NRG1: variants seen among roughly 807,000 people sequenced by gnomAD.
The protein encoded by NRG1 is pro-neuregulin-1, membrane-bound isoform.
Under a neutral mutation model 63.8 loss-of-function variants are expected in NRG1, and 18 were observed. The ratio of observed to expected loss-of-function variants is 0.28; its 90% CI spans 0.19 to 0.42. The LOEUF is 0.42. NRG1 is among the 10% of genes least tolerant of loss of function. NRG1 has a pLI of 1.00. For missense variants in NRG1, 762 were observed against 814.7 expected (o/e 0.94, Z 0.79); for synonymous variants, 302 against 301.3 (o/e 1.00, Z -0.02).
intron 1 of NRG1, among the ~76,000 whole-genome samples, chr8:32,589,153 A>G (rs2129535344): frequency 1.3e-5 from 2 of 152,312 alleles, no homozygotes; most frequent in East Asian, 1.9e-4. Flanking sequence ...TGATAAGACA[A>G]ACTTTCCCTT....
chr8:32,550,835 C>T (rs886304914), intron 1 of NRG1, among the ~76,000 whole-genome samples: 1 of 152,096 alleles, frequency 6.6e-6, no homozygotes, highest in African/African-American at 2.4e-5. Context: ...AACTGTCTTC[C>T]CTGAAAAATT....
At chr8:31,653,144 T>A (rs1805073587) in intron 1 of NRG1, among the ~76,000 whole-genome samples, 1 of 151,692 alleles carries the variant, frequency 6.6e-6, no homozygotes. Flanking sequence ...GGTATTGGGA[T>A]TATTGATCTT....
intron 1 of NRG1, among the ~76,000 whole-genome samples, chr8:32,054,472 C>T (rs1822512705): frequency 6.6e-6 from 1 of 152,278 alleles, no homozygotes; most frequent in East Asian, 1.9e-4. Context: ...GGCCTGCAGT[C>T]ACCAACAGAA....
At chr8:32,194,763 C>G (rs574125119) in intron 1 of NRG1, among the ~76,000 whole-genome samples, 1 of 152,186 alleles carries the variant, frequency 6.6e-6, no homozygotes, top group African/African-American at 2.4e-5. Flanking sequence ...ACCTGAGAAA[C>G]ATTTTAAAAA....
chr8:32,573,974 A>T (rs527269921), intron 1 of NRG1, among the ~76,000 whole-genome samples: 1 of 152,142 alleles, frequency 6.6e-6, no homozygotes, highest in African/African-American at 2.4e-5. Flanking sequence ...CCTACAAAGG[A>T]CATGAACTCA....
intron 5 of NRG1, among the ~76,000 whole-genome samples, chr8:32,700,971 A>G (rs1814715161): frequency 6.6e-6 from 1 of 152,006 alleles, no homozygotes; most frequent in African/African-American, 2.4e-5. Context: ...TCTCCTCTGC[A>G]TGTCTTAACC....
At chr8:32,383,857 A>G (rs1235083382) in intron 1 of NRG1, among the ~76,000 whole-genome samples, 1 of 152,254 alleles carries the variant, frequency 6.6e-6, no homozygotes, top group Non-Finnish European at 1.5e-5. Context: ...GAGAATGCAT[A>G]GCCCCACTTC....
At chr8:32,556,933 C>A (rs569240036) in intron 1 of NRG1, among the ~76,000 whole-genome samples, 2 of 152,176 alleles carry the variant, frequency 1.3e-5, no homozygotes, top group Non-Finnish European at 2.9e-5. Flanking sequence ...AAACAAGTAA[C>A]GTGTGTTATT....
intron 1 of NRG1, among the ~76,000 whole-genome samples, chr8:32,001,360 T>G (rs113948151): frequency 0.036 from 5,415 of 152,044 alleles, 129 homozygotes; most frequent in Non-Finnish European, 0.056. Flanking sequence ...CATGCTCTCT[T>G]GCCTGCCACC....
At chr8:32,385,113 A>G (rs1563390811) in intron 1 of NRG1, among the ~76,000 whole-genome samples, 3 of 152,038 alleles carry the variant, frequency 2.0e-5, no homozygotes, top group African/African-American at 4.8e-5. Context: ...TCCGCCTCCC[A>G]GGTGCATGCC....
chr8:32,465,779 G>A (rs904844968), intron 1 of NRG1, among the ~76,000 whole-genome samples: 1 of 152,162 alleles, frequency 6.6e-6, no homozygotes, highest in Non-Finnish European at 1.5e-5. Flanking sequence ...TATGGAAATA[G>A]TGATATAAAA....
At chr8:32,439,618 A>G (rs1256685341) in intron 1 of NRG1, among the ~76,000 whole-genome samples, 2 of 152,146 alleles carry the variant, frequency 1.3e-5, no homozygotes, top group Non-Finnish European at 2.9e-5. Context: ...TTTTCAAAAT[A>G]CATCAGAACT....
chr8:31,680,869 C>T (rs899365694), intron 1 of NRG1, among the ~76,000 whole-genome samples: 2 of 152,150 alleles, frequency 1.3e-5, no homozygotes, highest in East Asian at 1.9e-4. Context: ...CATGCAAGCT[C>T]ATTCCTGCCC....
upstream of NRG1, among the ~76,000 whole-genome samples, chr8:32,547,608 C>CAT (rs1309199865): frequency 3.1e-5 from 2 of 63,748 alleles, no homozygotes; most frequent in Non-Finnish European, 6.3e-5. Flanking sequence ...CACACACACA[C>CAT]ACACACACAC....
At chr8:32,008,564 A>G (rs1406477613) in intron 1 of NRG1, among the ~76,000 whole-genome samples, 1 of 152,152 alleles carries the variant, frequency 6.6e-6, no homozygotes, top group Non-Finnish European at 1.5e-5. Flanking sequence ...ACTAATATCT[A>G]TGTGTGTGTT....
intron 5 of NRG1, among the ~76,000 whole-genome samples, chr8:32,617,421 T>C (rs982296101): frequency 4.6e-5 from 7 of 152,268 alleles, no homozygotes; most frequent in African/African-American, 1.4e-4. Flanking sequence ...GATCTCAGAT[T>C]AGTTTTCGTC....
intron 1 of NRG1, among the ~76,000 whole-genome samples, chr8:32,216,917 A>C (rs984643944): frequency 1.3e-5 from 2 of 152,008 alleles, no homozygotes; most frequent in African/African-American, 4.8e-5. Flanking sequence ...TTGCTCATTA[A>C]AAATATTCGG....
chr8:32,291,166 A>C (rs1854152858), intron 1 of NRG1, among the ~76,000 whole-genome samples: 1 of 152,204 alleles, frequency 6.6e-6, no homozygotes, highest in African/African-American at 2.4e-5. Context: ...TCGTGTCTTC[A>C]ACTGACTAGA....
chr8:31,895,517 G>A (rs903287600), intron 1 of NRG1, among the ~76,000 whole-genome samples: 9 of 152,162 alleles, frequency 5.9e-5, no homozygotes, highest in East Asian at 1.9e-4. Context: ...GTAATTAATC[G>A]GAAGGCTTTC....
Sources: gnomAD v4.1 joint callset for allele counts (sites outside exome capture counted in the v4.1 genomes callset) on GRCh38, gnomAD v4.1.1 for gene constraint, MANE v1.5 for transcripts, NCBI Gene and HGNC (gene_info 2026-07-23, HGNC 2026-07-21) for gene names.